RIMS2: variants seen among roughly 807,000 people sequenced by gnomAD.
RIMS2 encodes regulating synaptic membrane exocytosis protein 2.
RIMS2 carries 59 observed loss-of-function variants against 174.4 expected under a neutral mutation model. That is an observed-to-expected ratio of 0.34 (90% CI 0.27 to 0.42). The LOEUF is 0.42. RIMS2 is among the 10% of genes least tolerant of loss of function. RIMS2 has a pLI of 1.00. For missense variants in RIMS2, 1,620 were observed against 1,666.3 expected, an observed-to-expected ratio of 0.97 and a Z score of 0.48; for synonymous variants, 606 against 572.5, an observed-to-expected ratio of 1.06 and a Z score of -0.84.
intron 19 of RIMS2, among the ~76,000 whole-genome samples, chr8:104,037,103 G>T (rs773468220): frequency 6.6e-6 from 1 of 152,030 alleles, no homozygotes; most frequent in Non-Finnish European, 1.5e-5. Flanking sequence ...TTTCAAAAAG[G>T]TTTTGTCACT....
At chr8:104,231,238 C>T (rs2139251557) in intron 19 of RIMS2, among the ~76,000 whole-genome samples, 1 of 152,286 alleles carries the variant, frequency 6.6e-6, no homozygotes, top group East Asian at 1.9e-4. Flanking sequence ...TATCAGTTCT[C>T]TTAAACCCCA....
intron 20 of RIMS2, among the ~76,000 whole-genome samples, chr8:104,246,786 C>T (rs1169305735): frequency 6.6e-6 from 1 of 152,034 alleles, no homozygotes; most frequent in Non-Finnish European, 1.5e-5. Context: ...GGCCTGGTGT[C>T]AGCAGTGAGG....
In RIMS2 at chr8:103,691,390, TCTGA is replaced by T. The variant is rs1205745457; in HGVS notation, c.177-5692_177-5689del. 2.6e-5 allele frequency among the ~76,000 whole-genome samples: 4 copies of T among 152,296 alleles called. No homozygotes were observed. In the East Asian group the frequency reaches 5.8e-4, roughly 22 times the overall value. ...TTGTTTCTTGTTCTTTTTTTCCTCT[TCTGA>T]CTGTGTATTTTCAAATAGCCTGTCT... On this transcript the variant is annotated intron_variant, in intron 1 of 23. Coordinates refer to ENST00000504942, the Ensembl canonical transcript of RIMS2.
At chr8:103,935,731 C>A (rs1287180362) in intron 12 of RIMS2, among the ~76,000 whole-genome samples, 3 of 152,214 alleles carry the variant, frequency 2.0e-5, no homozygotes. Flanking sequence ...GTTGGATGTA[C>A]CCTAGGTGAT....
intron 2 of RIMS2, among the ~76,000 whole-genome samples, chr8:103,714,733 A>G (rs906175017): frequency 1.3e-5 from 2 of 152,206 alleles, no homozygotes; most frequent in African/African-American, 2.4e-5. Flanking sequence ...TCAATGATAT[A>G]TAAGTGATAA....
chr8:103,954,613 G>T (rs1019124944), intron 14 of RIMS2, among the ~76,000 whole-genome samples: 3 of 152,044 alleles, frequency 2.0e-5, no homozygotes, highest in Admixed American at 6.5e-5. Context: ...GTGTGTAGAG[G>T]GAAATTTATA....
At chr8:104,211,978 C>T (rs910186835) in intron 19 of RIMS2, among the ~76,000 whole-genome samples, 10 of 146,214 alleles carry the variant, frequency 6.8e-5, no homozygotes, top group East Asian at 6.4e-4. Flanking sequence ...AGGAGGCACA[C>T]GGTAAGGGAA....
At chr8:103,782,405 T>C (rs1021088824) in intron 3 of RIMS2, among the ~76,000 whole-genome samples, 2 of 151,722 alleles carry the variant, frequency 1.3e-5, no homozygotes, top group Non-Finnish European at 2.9e-5. Context: ...TTTTTGCTAT[T>C]ACAAATGCTA....
In RIMS2 at chr8:103,933,638, C is replaced by T. The variant is rs541020956; in HGVS notation, c.2375+2245C>T. Among the ~76,000 whole-genome samples the T allele has an allele frequency of 4.4e-4, 67 of 152,174 alleles. 2 individuals carry two copies. In the Middle Eastern group the frequency reaches 0.014, roughly 31 times the overall value. ...CTCAGATTATTTCTTAGCTGAGTTCCTTGTTATTTATCAGGAATTTGAAGA... is the reference window on the plus strand; with the variant it reads ...CTCAGATTATTTCTTAGCTGAGTTCTTTGTTATTTATCAGGAATTTGAAGA... On this transcript the variant is annotated intron_variant, in intron 12 of 23. Transcript: ENST00000504942.
intron 1 of RIMS2, among the ~76,000 whole-genome samples, chr8:103,670,843 C>A (rs183986509): frequency 6.6e-6 from 1 of 152,292 alleles, no homozygotes; most frequent in African/African-American, 2.4e-5. Flanking sequence ...TCTTCTGAGC[C>A]GTCCAGACTG....
chr8:104,008,617 T>C (rs1028367513), intron 17 of RIMS2, among the ~76,000 whole-genome samples: 3 of 152,038 alleles, frequency 2.0e-5, no homozygotes, highest in African/African-American at 4.8e-5. Context: ...ATAATGAATA[T>C]ATTTTTTAAA....
At chr8:103,765,372 A>G (rs1015512723) in intron 2 of RIMS2, among the ~76,000 whole-genome samples, 3 of 152,112 alleles carry the variant, frequency 2.0e-5, no homozygotes, top group African/African-American at 7.2e-5. Context: ...CCGGGGTTGG[A>G]GGAGAGGAAA....
intron 16 of RIMS2, chr8:103,976,241 G>A (rs1210338363): frequency 6.6e-6 from 1 of 152,170 alleles, no homozygotes; most frequent in Non-Finnish European, 1.5e-5. Flanking sequence ...AAAACAAAAT[G>A]CTATTCAAGG....
At chr8:104,075,068 T>A (rs1226920025) in intron 19 of RIMS2, among the ~76,000 whole-genome samples, 2 of 152,162 alleles carry the variant, frequency 1.3e-5, no homozygotes, top group African/African-American at 4.8e-5. Context: ...AAAGTATTTT[T>A]CTTAGGGAGA....
At chr8:103,736,089 T>A (rs2097682025) in intron 2 of RIMS2, among the ~76,000 whole-genome samples, 1 of 152,188 alleles carries the variant, frequency 6.6e-6, no homozygotes, top group African/African-American at 2.4e-5. Flanking sequence ...CCTTGGCTTT[T>A]CTTTCTTTGC....
At position 103,949,674 on chromosome 8, in the gene RIMS2, T is replaced by C. The variant is rs1442430002; in HGVS notation, c.2701+6748T>C. ...GGAAATGTATAGCATTAAAGACTTA[T>C]ATTATTAATACCAAAAAAATTCTCA... On this transcript the variant is annotated intron_variant, in intron 14 of 23. Transcript: ENST00000504942. 5.3e-5 allele frequency among the ~76,000 whole-genome samples: 8 copies of C among 152,266 alleles called. No homozygotes were observed. In the East Asian group the frequency reaches 1.2e-3, roughly 22 times the overall value.
intron 17 of RIMS2, among the ~76,000 whole-genome samples, chr8:103,991,549 G>C (rs1401569993): frequency 1.3e-5 from 2 of 151,862 alleles, no homozygotes; most frequent in Non-Finnish European, 2.9e-5. Flanking sequence ...GAATACTCTA[G>C]AACTCTTACA....
intron 1 of RIMS2, among the ~76,000 whole-genome samples, chr8:103,658,118 T>A (rs1413900104): frequency 6.6e-6 from 1 of 152,234 alleles, no homozygotes; most frequent in Non-Finnish European, 1.5e-5. Flanking sequence ...AAAATTCAAA[T>A]ATACAAGTGT....
At chr8:104,053,865 A>C (rs2096827970) in intron 19 of RIMS2, among the ~76,000 whole-genome samples, 1 of 152,126 alleles carries the variant, frequency 6.6e-6, no homozygotes, top group African/African-American at 2.4e-5. Context: ...GGCCAAACCA[A>C]GAATGGGGAC....
Sources: allele counts gnomAD v4.1 joint callset (sites outside exome capture counted in the v4.1 genomes callset), GRCh38; gene constraint gnomAD v4.1.1; transcripts MANE v1.5; gene names NCBI Gene and HGNC (gene_info 2026-07-23, HGNC 2026-07-21).